The following ZZZ3 variants were observed in gnomAD, a reference collection of about 807,000 sequenced individuals.
ZZZ3 encodes ZZ-type zinc finger-containing protein 3.
ZZZ3 carries 22 observed loss-of-function variants against 95.2 expected under a neutral mutation model. The ratio of observed to expected loss-of-function variants is 0.23; its 90% CI spans 0.17 to 0.33. The LOEUF is 0.33. Among genes scored for constraint, ZZZ3 ranks in the 10% least tolerant of loss-of-function variants. The pLI, the probability that ZZZ3 is intolerant of heterozygous loss-of-function variation, is 1.00. For synonymous variants in ZZZ3, 335 were observed against 358.9 expected (o/e 0.93, Z 0.75); for missense variants, 885 against 1,066.5 (o/e 0.83, Z 2.37).
At chr1:77,616,689 C>G (rs1666348126) in intron 5 of ZZZ3, among the ~76,000 whole-genome samples, 1 of 152,088 alleles carries the variant, frequency 6.6e-6, no homozygotes, top group East Asian at 1.9e-4. Flanking sequence ...ATGGTGAAAC[C>G]CCATCTCTAC....
At chr1:77,636,705 G>GAAAAAAAAAAAAAAAAAA (rs10568853) in intron 4 of ZZZ3, among the ~76,000 whole-genome samples, 1 of 67,646 alleles carries the variant, frequency 1.5e-5, no homozygotes, top group Non-Finnish European at 2.7e-5. Flanking sequence ...GCCCTGTCTT[G>GAAAAAAAAAAAAAAAAAA]AAAAAAAAAA....
chr1:77,571,366 G>A (rs1210735370), intron 12 of ZZZ3, among the ~76,000 whole-genome samples: 3 of 152,106 alleles, frequency 2.0e-5, no homozygotes, highest in African/African-American at 4.8e-5. Context: ...GAATGTAAAT[G>A]GTACAGCTCC....
chr1:77,587,281 G>A (rs1477579541), intron 5 of ZZZ3, among the ~76,000 whole-genome samples: 1 of 36,056 alleles, frequency 2.8e-5, no homozygotes, highest in Admixed American at 2.5e-4. Flanking sequence ...TTTTTTTTTT[G>A]AGACAGAGTC....
intron 5 of ZZZ3, among the ~76,000 whole-genome samples, chr1:77,615,914 G>A (rs531563631): frequency 2.0e-5 from 3 of 152,130 alleles, no homozygotes; most frequent in African/African-American, 7.2e-5. Context: ...ATTCCTGTGT[G>A]TCAAAGGGCC....
In ZZZ3 at chr1:77,563,690, T is replaced by C. The variant is rs781360126; in HGVS notation, c.*1950A>G. On this transcript the variant is annotated 3_prime_UTR_variant, in exon 15 of 15. Coordinates refer to ENST00000370801, the MANE Select transcript of ZZZ3 (RefSeq NM_015534.6). ...AAGTTACCATCAAGCATTACTATCTTGCCTAATTACAAGTTGAAGGCAGAT... is the reference window on the plus strand; with the variant it reads ...AAGTTACCATCAAGCATTACTATCTCGCCTAATTACAAGTTGAAGGCAGAT... 1 of 152,200 alleles carries C rather than the reference T, an allele frequency of 6.6e-6. No homozygotes were observed. The highest frequency in any genetic ancestry group is 1.5e-5 in the Non-Finnish European group (1 of 68,036). 9.4% of individuals were successfully genotyped at this position (152,200 alleles called of 1,614,324 possible).
chr1:77,662,639 G>A (rs777257372), intron 1 of ZZZ3, among the ~76,000 whole-genome samples: 1 of 152,052 alleles, frequency 6.6e-6, no homozygotes, highest in Non-Finnish European at 1.5e-5. Flanking sequence ...AGAAATTTGA[G>A]GCCAGGCCGG....
chr1:77,621,610 G>GT (rs1237455162), intron 5 of ZZZ3, among the ~76,000 whole-genome samples: 5 of 151,032 alleles, frequency 3.3e-5, no homozygotes, highest in Non-Finnish European at 5.9e-5. Context: ...GAGCCCAGGA[G>GT]TTTGAGACCA....
intron 5 of ZZZ3, among the ~76,000 whole-genome samples, chr1:77,610,114 G>C (rs557452629): frequency 7.0e-6 from 1 of 143,426 alleles, no homozygotes; most frequent in East Asian, 2.1e-4. Context: ...AAAAAAAAGA[G>C]CACTCCAAAT....
At position 77,582,003 on chromosome 1, in the gene ZZZ3, T is replaced by C. The variant is rs1017480843; in HGVS notation, c.1768A>G (p.Arg590Gly). 6.2e-7 allele frequency: 1 copy of C among 1,606,284 alleles called. No individual in the cohort carries two copies. Among genetic ancestry groups the C allele is most frequent in the Non-Finnish European group, 8.5e-7 (1 of 1,173,866 alleles). ...EFKNRKRHTR[R>G]VKLVFDKVGL... ...CCTTTATCAAAAACTAGCTTAACTC[T>C]TCTAGTATGTCTTTTACGATTTTTA... The change falls in exon 7 of 15, where the codon AGA becomes GGA. Residue 590 changes from arginine to glycine, a missense_variant. By Grantham distance (125) the Arg-to-Gly change is moderately radical. This residue lies in a region of ZZZ3 where 99 missense variants were observed against 119.8 expected (regional missense o/e 0.83). Transcript: ENST00000370801.
intron 1 of ZZZ3, among the ~76,000 whole-genome samples, chr1:77,644,827 T>C (rs1190397894): frequency 6.6e-6 from 1 of 152,182 alleles, no homozygotes; most frequent in Non-Finnish European, 1.5e-5. Flanking sequence ...TGAAGACAAA[T>C]GCATAAATTT....
chr1:77,633,339 A>G lies in ZZZ3; in HGVS notation c.16T>C (p.Ser6Pro). The G allele has an allele frequency of 1.2e-6, 2 of 1,605,778 alleles. No individual in the cohort carries two copies. The highest frequency in any genetic ancestry group is 1.1e-5 in the South Asian group (1 of 89,618). Residue 6 changes from serine to proline, a missense_variant, in exon 5 of 15, where the codon TCT (serine) becomes CCT (proline). Around this residue, in one of 5 missense-constraint regions of ZZZ3, gnomAD observed 556 missense variants for 652.9 expected, o/e 0.85. Coordinates refer to ENST00000370801, the MANE Select transcript of ZZZ3 (RefSeq NM_015534.6). Reference protein sequence around the residue: MAASRSTRVTRSTVGL... With the variant: MAASRPTRVTRSTVGL... ...ACTGTTGATCTTGTAACACGAGTAG[A>G]TCGGGAAGCAGCCATACTATGGCAA...
At chr1:77,593,081 A>G (rs1663878100) in intron 5 of ZZZ3, among the ~76,000 whole-genome samples, 1 of 152,182 alleles carries the variant, frequency 6.6e-6, no homozygotes, top group Non-Finnish European at 1.5e-5. Flanking sequence ...TCTAGGGCCT[A>G]TCAAGAGAGA....
chr1:77,568,203 C>G (rs1267159158), intron 13 of ZZZ3, 129 bp downstream of exon 13: 25 of 676,340 alleles, frequency 3.7e-5, no homozygotes, highest in Non-Finnish European at 5.6e-5. Flanking sequence ...CGCTTGAACC[C>G]GGGAGGCAGA....
chr1:77,634,955 T>G (rs1668163393), intron 4 of ZZZ3, among the ~76,000 whole-genome samples: 1 of 152,172 alleles, frequency 6.6e-6, no homozygotes, highest in Non-Finnish European at 1.5e-5. Context: ...GTGGCAATAG[T>G]GCAAAGTTTC....
chr1:77,647,526 A>G (rs1669396719), intron 1 of ZZZ3, among the ~76,000 whole-genome samples: 1 of 140,942 alleles, frequency 7.1e-6, no homozygotes, highest in Non-Finnish European at 1.5e-5. Context: ...CTCAGGAAGG[A>G]AAAAAAAAAA....
intron 12 of ZZZ3, among the ~76,000 whole-genome samples, chr1:77,570,806 C>T (rs1023407738): frequency 6.7e-6 from 1 of 150,108 alleles, no homozygotes; most frequent in Non-Finnish European, 1.5e-5. Flanking sequence ...AGATGACAGG[C>T]GCACACCACC....
intron 5 of ZZZ3, among the ~76,000 whole-genome samples, chr1:77,591,184 A>T (rs1402079851): frequency 6.6e-6 from 1 of 152,212 alleles, no homozygotes; most frequent in Non-Finnish European, 1.5e-5. Flanking sequence ...GCAAAATTTT[A>T]AAAATTATTT....
intron 1 of ZZZ3, among the ~76,000 whole-genome samples, chr1:77,666,241 T>A (rs1348094969): frequency 6.6e-6 from 1 of 152,070 alleles, no homozygotes; most frequent in Non-Finnish European, 1.5e-5. Context: ...CAGTATAAAT[T>A]CATGCATTCT....
Position 77,563,796 on chromosome 1 carries a change from A to T in ZZZ3, c.*1844T>A, listed in dbSNP as rs923955882. On this transcript the variant is annotated 3_prime_UTR_variant, in exon 15 of 15. Coordinates refer to ENST00000370801, the MANE Select transcript of ZZZ3 (RefSeq NM_015534.6). ...CCCCTCTTCACCCACTAATAATTCC[A>T]GGGTGAGAAGTTAAGCTCAAGTCCA... The T allele has an allele frequency of 1.3e-5, 2 of 152,214 alleles. No homozygotes were observed. Among genetic ancestry groups the T allele is most frequent in the African/African-American group, 4.8e-5 (2 of 41,466 alleles). 9.4% of individuals were successfully genotyped at this position (152,214 alleles called of 1,614,324 possible).
Sources: allele counts gnomAD v4.1 joint callset (sites outside exome capture counted in the v4.1 genomes callset), GRCh38; gene constraint gnomAD v4.1.1; regional missense constraint gnomAD v4.1.1; transcripts MANE v1.5; gene names NCBI Gene and HGNC (gene_info 2026-07-23, HGNC 2026-07-21).